The following HSD17B12 variants were observed in gnomAD, a reference collection of about 807,000 sequenced individuals.
The protein encoded by HSD17B12 is very-long-chain 3-oxoacyl-CoA reductase.
Under a neutral mutation model 39.3 loss-of-function variants are expected in HSD17B12, and 32 were observed. That is an observed-to-expected ratio of 0.81 (90% CI 0.61 to 1.09). The LOEUF (loss-of-function observed/expected upper bound fraction) is 1.09, where lower values mean the gene tolerates loss of function less well. Ranked by LOEUF, HSD17B12 falls within the 50% of genes least tolerant of loss-of-function variation. HSD17B12 has a pLI of 0.00. For missense variants in HSD17B12, 342 were observed against 382.9 expected (o/e 0.89, Z 0.89); for synonymous variants, 150 against 146.7 (o/e 1.02, Z -0.16).
chr11:43,716,386 A>G (rs1307002748), intron 1 of HSD17B12, among the ~76,000 whole-genome samples: 1 of 152,218 alleles, frequency 6.6e-6, no homozygotes, highest in Admixed American at 6.5e-5. Flanking sequence ...AAACTTGGGT[A>G]TTATAAAGAG....
the HSD17B12 span, among the ~76,000 whole-genome samples, chr11:43,659,343 G>C: frequency 1.3e-5 from 2 of 152,182 alleles, no homozygotes; most frequent in Non-Finnish European, 1.5e-5. Context: ...GTGCTTCCCA[G>C]GTGAGGCGAT....
intron 3 of HSD17B12, among the ~76,000 whole-genome samples, chr11:43,766,154 G>A (rs189224816): frequency 3.5e-4 from 53 of 152,268 alleles, no homozygotes; most frequent in Non-Finnish European, 7.1e-4. Flanking sequence ...TCACTCTCTA[G>A]TTTCTTGAAC....
At chr11:43,758,470 C>G (rs59477758) in intron 3 of HSD17B12, among the ~76,000 whole-genome samples, 2,262 of 152,246 alleles carry the variant, frequency 0.015, 61 homozygotes, top group African/African-American at 0.051. Flanking sequence ...CACACTTTTT[C>G]TCATTCAGTG....
At chr11:43,718,173 A>T (rs1017595990) in intron 1 of HSD17B12, among the ~76,000 whole-genome samples, 4 of 152,198 alleles carry the variant, frequency 2.6e-5, no homozygotes, top group Admixed American at 2.6e-4. Context: ...AAGGGAAAAG[A>T]TTCTACTTTT....
intron 3 of HSD17B12, among the ~76,000 whole-genome samples, chr11:43,766,139 C>T (rs1021959585): frequency 2.2e-4 from 34 of 152,140 alleles, no homozygotes; most frequent in Admixed American, 2.0e-4. Flanking sequence ...CTTTTCTTAA[C>T]GTGCTCACTC....
chr11:43,581,552 C>G, the HSD17B12 span: 1 of 430,470 alleles, frequency 2.3e-6, no homozygotes, highest in Non-Finnish European at 5.0e-6. This position sits in a 1 kb window ranked among gnomAD's most constrained non-coding sequence, Gnocchi z 4.9. Context: ...CTGCTCCATC[C>G]GAGCCTTACC....
chr11:43,780,665 G>A (rs951502576), intron 3 of HSD17B12, among the ~76,000 whole-genome samples: 6 of 152,070 alleles, frequency 3.9e-5, no homozygotes, highest in Non-Finnish European at 5.9e-5. Context: ...CTTTACCATT[G>A]CCACTGGGAT....
At chr11:43,600,600 C>T in the HSD17B12 span, among the ~76,000 whole-genome samples, 3 of 152,032 alleles carry the variant, frequency 2.0e-5, no homozygotes, top group African/African-American at 4.8e-5. Flanking sequence ...ATGAGCTTTA[C>T]GTTCAGTATT....
chr11:43,688,421 A>C (rs528188292), intron 1 of HSD17B12, among the ~76,000 whole-genome samples: 1 of 152,274 alleles, frequency 6.6e-6, no homozygotes, highest in South Asian at 2.1e-4. Flanking sequence ...TTGCGTTGTC[A>C]TGGTAACTCC....
At chr11:43,588,978 TTTA>T in the HSD17B12 span, among the ~76,000 whole-genome samples, 5,149 of 148,652 alleles carry the variant, frequency 0.035, 289 homozygotes, top group African/African-American at 0.12. Flanking sequence ...TCTTTTTGCC[TTTA>T]TTATTATTAT....
chr11:43,666,480 C>T, the HSD17B12 span, among the ~76,000 whole-genome samples: 2 of 152,126 alleles, frequency 1.3e-5, no homozygotes, highest in Non-Finnish European at 2.9e-5. Flanking sequence ...GCTGGGACTG[C>T]AGGCGCACAC....
At chr11:43,819,220 T>G (rs1358213320) in intron 6 of HSD17B12, among the ~76,000 whole-genome samples, 1 of 152,208 alleles carries the variant, frequency 6.6e-6, no homozygotes, top group East Asian at 1.9e-4. Flanking sequence ...TTTTCTCTTA[T>G]AACCTCCTGC....
intron 9 of HSD17B12, among the ~76,000 whole-genome samples, chr11:43,851,320 A>T (rs1167206502): frequency 6.6e-6 from 1 of 152,168 alleles, no homozygotes; most frequent in Non-Finnish European, 1.5e-5. Context: ...AATTTCCTAT[A>T]AAAGTATGAG....
the HSD17B12 span, among the ~76,000 whole-genome samples, chr11:43,600,318 C>CTT: frequency 3.0e-4 from 44 of 146,842 alleles, no homozygotes; most frequent in African/African-American, 1.0e-3. Flanking sequence ...ATTGTAAACA[C>CTT]TTTTTTTTTT....
chr11:43,746,260 C>G (rs952335429), intron 1 of HSD17B12, among the ~76,000 whole-genome samples: 3 of 152,142 alleles, frequency 2.0e-5, no homozygotes, highest in African/African-American at 7.2e-5. Flanking sequence ...TCTTGCTTAT[C>G]TTTTGGACTT....
At chr11:43,689,533 C>T (rs968648447) in intron 1 of HSD17B12, among the ~76,000 whole-genome samples, 1 of 151,848 alleles carries the variant, frequency 6.6e-6, no homozygotes, top group Non-Finnish European at 1.5e-5. Context: ...TTATTTTATT[C>T]TATTTTATAT....
the HSD17B12 span, among the ~76,000 whole-genome samples, chr11:43,580,748 C>T: frequency 6.6e-6 from 1 of 152,028 alleles, no homozygotes; most frequent in African/African-American, 2.4e-5. Flanking sequence ...AATATTTTAA[C>T]ATGTTCCAGT....
At position 43,746,199 on chromosome 11, in the gene HSD17B12, A is replaced by T. The variant is rs1008565452; in HGVS notation, c.161-4712A>T. Among the ~76,000 whole-genome samples the T allele has an allele frequency of 3.9e-5, 6 of 152,072 alleles. No individual in the cohort carries two copies. In the East Asian group the frequency reaches 1.2e-3, roughly 29 times the overall value. On this transcript the variant is annotated intron_variant, in intron 1 of 10. Transcript: ENST00000278353. ...TGGGCTATACTGAATTTATTTAAAA[A>T]TTTTTTCTTTAATAACTAGCTTACT...
At chr11:43,675,381 C>A in the HSD17B12 span, among the ~76,000 whole-genome samples, 2 of 151,868 alleles carry the variant, frequency 1.3e-5, no homozygotes, top group Admixed American at 6.6e-5. Context: ...AGGTTCCAGG[C>A]AGAGGGAAGT....
Sources: gnomAD v4.1 joint callset for allele counts (sites outside exome capture counted in the v4.1 genomes callset) on GRCh38, gnomAD v4.1.1 for gene constraint, Gnocchi (gnomAD v3.1) non-coding constraint, MANE v1.5 for transcripts, NCBI Gene and HGNC (gene_info 2026-07-23, HGNC 2026-07-21) for gene names.